The following RBFOX1 variants were observed in gnomAD, a reference collection of about 807,000 sequenced individuals.
RBFOX1 encodes the protein RNA binding fox-1 homolog 1.
In RBFOX1, 8 loss-of-function variants were observed where a neutral mutation model predicts 57.7. That is an observed-to-expected ratio of 0.14 (90% CI 0.08 to 0.25). RBFOX1 has a LOEUF of 0.25. RBFOX1 is among the 10% of genes least tolerant of loss of function. The probability of loss-of-function intolerance (pLI) is 1.00; values close to 1 mark genes in which losing one functional copy is unlikely to be tolerated. For synonymous variants in RBFOX1, 326 were observed against 222.4 expected, an observed-to-expected ratio of 1.47 and a Z score of -4.15; for missense variants, 611 against 548.5, an observed-to-expected ratio of 1.11 and a Z score of -1.14.
chr16:6,271,893 C>T (rs961592602), intron 1 of RBFOX1, among the ~76,000 whole-genome samples: 12 of 152,060 alleles, frequency 7.9e-5, no homozygotes, highest in Non-Finnish European at 1.2e-4. Flanking sequence ...AACACCAAGT[C>T]CATATATCCT....
intron 2 of RBFOX1, among the ~76,000 whole-genome samples, chr16:5,488,312 G>T (rs1440193388): frequency 8.4e-6 from 1 of 118,464 alleles, no homozygotes. Flanking sequence ...GGAAGATAAT[G>T]GTGATGATGA....
At chr16:5,267,925 A>G (rs1215053229) in intron 1 of RBFOX1, among the ~76,000 whole-genome samples, 1 of 152,164 alleles carries the variant, frequency 6.6e-6, no homozygotes, top group Non-Finnish European at 1.5e-5. Flanking sequence ...CTAAAAATAC[A>G]AAAATTAGCT....
At chr16:7,086,849 C>G (rs1357539840) in intron 4 of RBFOX1, among the ~76,000 whole-genome samples, 2 of 152,172 alleles carry the variant, frequency 1.3e-5, no homozygotes, top group Non-Finnish European at 2.9e-5. Flanking sequence ...ATTTGCTGGG[C>G]TTAGTTGGTG....
rs1342189927 is a variant in RBFOX1 at position 6,908,229 on chromosome 16, T to C, written c.-15-143828T>C. Among the ~76,000 whole-genome samples, 9 of 151,746 alleles carry C rather than the reference T, an allele frequency of 5.9e-5. No individual in the cohort carries two copies. The South Asian group carries it at 8.3e-4, about 14-fold the overall frequency. ...GCTCAGCATTGTGTTGCCTGAGATC[T>C]GGCATTTCATCTTCTCTCCTCCAGC... On this transcript the variant is annotated intron_variant, in intron 3 of 15. Transcript: ENST00000550418.
chr16:6,557,442 C>G (rs1244822656), intron 2 of RBFOX1, among the ~76,000 whole-genome samples: 1 of 152,106 alleles, frequency 6.6e-6, no homozygotes, highest in Non-Finnish European at 1.5e-5. Context: ...ATAACAGCCA[C>G]AATTTCTCTA....
At chr16:7,412,098 C>T (rs1020624868) in intron 4 of RBFOX1, among the ~76,000 whole-genome samples, 1 of 151,980 alleles carries the variant, frequency 6.6e-6, no homozygotes, top group Non-Finnish European at 1.5e-5. Context: ...ATAGTGGTTC[C>T]TTAGTTGTGA....
rs1190945646 is a variant in RBFOX1 at position 7,218,656 on chromosome 16, G to C, written c.27+166558G>C. Among the ~76,000 whole-genome samples the C allele has an allele frequency of 2.0e-5, 3 of 149,564 alleles. No individual in the cohort carries two copies. In the East Asian group the frequency reaches 5.8e-4, roughly 29 times the overall value. Reference sequence around the variant, plus strand: ...TGTGTGTGTGTGTGTGTGTGTGTGTGTGTGTGTGTGTGTGTGTGTGTGTGT... The same window carrying C: ...TGTGTGTGTGTGTGTGTGTGTGTGTCTGTGTGTGTGTGTGTGTGTGTGTGT... On this transcript the variant is annotated intron_variant, in intron 4 of 15. Coordinates refer to ENST00000550418, the MANE Select transcript of RBFOX1 (RefSeq NM_018723.4).
intron 2 of RBFOX1, among the ~76,000 whole-genome samples, chr16:6,398,595 C>T (rs2092936914): frequency 6.6e-6 from 1 of 152,158 alleles, no homozygotes; most frequent in Non-Finnish European, 1.5e-5. Context: ...TCCATTAGGG[C>T]AGTCTTTAAA....
chr16:6,203,235 C>A (rs1342076216), intron 1 of RBFOX1, among the ~76,000 whole-genome samples: 1 of 152,152 alleles, frequency 6.6e-6, no homozygotes, highest in African/African-American at 2.4e-5. Flanking sequence ...TACCCTTTGA[C>A]TGACACTTCT....
intron 3 of RBFOX1, among the ~76,000 whole-genome samples, chr16:5,817,902 G>A (rs1438190251): frequency 6.6e-6 from 1 of 152,044 alleles, no homozygotes; most frequent in East Asian, 1.9e-4. Context: ...GTGTTAGCCA[G>A]GATGGTCTCG....
Position 6,019,919 on chromosome 16 carries a change from T to C in RBFOX1, c.-200T>C. 2 of 1,533,426 alleles carry C rather than the reference T, an allele frequency of 1.3e-6. No individual in the cohort carries two copies. The highest frequency in any genetic ancestry group is 1.7e-6 in the Non-Finnish European group (2 of 1,145,890). 95.0% of individuals were successfully genotyped at this position (1,533,426 alleles called of 1,614,324 possible). On this transcript the variant is annotated 5_prime_UTR_variant, in exon 1 of 16. Coordinates refer to ENST00000550418, the MANE Select transcript of RBFOX1 (RefSeq NM_018723.4). The surrounding 1 kb of genome is among the most constrained non-coding windows in gnomAD (Gnocchi z 4.2). ...AGCTTATGGTGAGTGTGGCTGGGGG[T>C]GCAGAGAGCGCACGGGAATTCGGGG... is the stretch of plus-strand genomic sequence containing the variant.
rs1225356816 is a variant in RBFOX1 at position 5,929,629 on chromosome 16, TAAAGTG to T, written c.351+62299_351+62304del. On this transcript the variant is annotated intron_variant, in intron 4 of 19. Transcript: ENST00000641259. ...AACAATATGGATCATAATATAATAA[TAAAGTG>T]AAAGACTTCATAGTGTTTAAGAATG... Among the ~76,000 whole-genome samples the T allele has an allele frequency of 1.5e-4, 23 of 152,330 alleles. No homozygotes were observed. The East Asian group carries it at 4.4e-3, about 29-fold the overall frequency.
At chr16:7,284,961 T>C (rs1256653880) in intron 4 of RBFOX1, among the ~76,000 whole-genome samples, 1 of 151,850 alleles carries the variant, frequency 6.6e-6, no homozygotes, top group Non-Finnish European at 1.5e-5. Context: ...CCCACCCACC[T>C]TTCTCCTCGC....
chr16:7,059,426 C>T (rs9927991), intron 4 of RBFOX1, among the ~76,000 whole-genome samples: 1 of 152,256 alleles, frequency 6.6e-6, no homozygotes, highest in African/African-American at 2.4e-5. Flanking sequence ...GTATGCCAAT[C>T]ACTGTGCTAG....
At chr16:6,702,553 CA>C (rs71145280) in intron 3 of RBFOX1, among the ~76,000 whole-genome samples, 128,242 of 145,766 alleles carry the variant, frequency 0.88, 56,986 homozygotes, top group South Asian at 0.95. Context: ...GAGTCCATCT[CA>C]AAAAAAAAAA....
intron 2 of RBFOX1, chr16:6,573,960 C>G (rs763035758): frequency 2.0e-5 from 3 of 152,248 alleles, no homozygotes; most frequent in Non-Finnish European, 2.9e-5. Flanking sequence ...TATACCCTCG[C>G]TTAGGTTAGG....
chr16:7,083,291 C>A (rs2059477984), intron 4 of RBFOX1, among the ~76,000 whole-genome samples: 1 of 151,886 alleles, frequency 6.6e-6, no homozygotes, highest in African/African-American at 2.4e-5. Context: ...CTGTCTCCTG[C>A]TTGTGTCACA....
intron 2 of RBFOX1, among the ~76,000 whole-genome samples, chr16:6,344,749 G>C (rs2085106249): frequency 7.2e-6 from 1 of 138,276 alleles, no homozygotes; most frequent in Admixed American, 7.8e-5. Flanking sequence ...GGAGTGCAGT[G>C]ATATGATCTC....
chr16:5,418,138 G>A (rs2067210983), intron 1 of RBFOX1, among the ~76,000 whole-genome samples: 1 of 152,212 alleles, frequency 6.6e-6, no homozygotes, highest in South Asian at 2.1e-4. Context: ...CCTTGAATGT[G>A]CCATGTGGTC....
Sources: gnomAD v4.1 joint callset for allele counts (sites outside exome capture counted in the v4.1 genomes callset) on GRCh38, gnomAD v4.1.1 for gene constraint, Gnocchi (gnomAD v3.1) non-coding constraint, MANE v1.5 for transcripts, NCBI Gene and HGNC (gene_info 2026-07-23, HGNC 2026-07-21) for gene names.